The following RNF180 variants were observed in gnomAD, a reference collection of about 807,000 sequenced individuals.
RNF180 encodes the protein E3 ubiquitin-protein ligase RNF180.
A neutral mutation model predicts 59.2 loss-of-function variants in RNF180; 38 were observed. The observed-to-expected ratio is 0.64, with a 90% confidence interval of 0.50 to 0.84. The LOEUF (loss-of-function observed/expected upper bound fraction) is 0.84. Ranked by LOEUF, RNF180 falls within the 40% of genes least tolerant of loss-of-function variation. The pLI is 0.00. For missense variants in RNF180, 705 were observed against 700.9 expected, an observed-to-expected ratio of 1.01 and a Z score of -0.07; for synonymous variants, 262 against 240.3, an observed-to-expected ratio of 1.09 and a Z score of -0.84.
intron 5 of RNF180, 89 bp downstream of exon 5, chr5:64,217,485 A>C: frequency 1.5e-6 from 2 of 1,310,932 alleles, no homozygotes; most frequent in Non-Finnish European, 1.9e-6. Flanking sequence ...AAAGACTTCC[A>C]TTTTCTGTGC....
At chr5:64,234,670 G>T (rs1470245432) in intron 5 of RNF180, among the ~76,000 whole-genome samples, 2 of 126,168 alleles carry the variant, frequency 1.6e-5, no homozygotes, top group African/African-American at 3.0e-5. Flanking sequence ...CGCCATCTTG[G>T]CTCACTGCAA....
At chr5:64,202,536 T>C (rs1174302033) in intron 2 of RNF180, among the ~76,000 whole-genome samples, 2 of 152,206 alleles carry the variant, frequency 1.3e-5, no homozygotes, top group Non-Finnish European at 2.9e-5. Context: ...GGGGTAGGTA[T>C]AGTTTAATTT....
At chr5:64,211,979 G>T (rs1017830780) in intron 2 of RNF180, 86 bp from the exon 3 acceptor site, 3 of 726,306 alleles carry the variant, frequency 4.1e-6, no homozygotes, top group Non-Finnish European at 4.6e-6. Context: ...AATAGAATTT[G>T]TATTTTTGAG....
At chr5:64,310,670 CT>C (rs1561253212) in intron 5 of RNF180, among the ~76,000 whole-genome samples, 1 of 151,806 alleles carries the variant, frequency 6.6e-6, no homozygotes, top group African/African-American at 2.4e-5. Context: ...GCACATAGTT[CT>C]TTTGTAAATG....
At chr5:64,301,183 G>T (rs1158164801) in intron 5 of RNF180, among the ~76,000 whole-genome samples, 1 of 151,644 alleles carries the variant, frequency 6.6e-6, no homozygotes, top group African/African-American at 2.4e-5. Flanking sequence ...CCTTCCTACT[G>T]AACAACAGCA....
rs537147465 is a variant in RNF180, at chr5:64,230,725, A to G, written c.1227+13329A>G. On this transcript the variant is annotated intron_variant, in intron 5 of 7. Coordinates refer to ENST00000389100, the MANE Select transcript of RNF180 (RefSeq NM_001113561.2). ...GGAAATATTATTCTGCTTACCACAG[A>G]TAGTTTTGGTGGAATTCTTGAGTCA... Among the ~76,000 whole-genome samples, 14 of 152,278 alleles carry G rather than the reference A, an allele frequency of 9.2e-5. No individual in the cohort carries two copies. In the East Asian group the frequency reaches 2.3e-3, roughly 25 times the overall value.
chr5:64,297,548 A>C (rs1270863670), intron 5 of RNF180, among the ~76,000 whole-genome samples: 3 of 151,998 alleles, frequency 2.0e-5, no homozygotes, highest in Non-Finnish European at 4.4e-5. Flanking sequence ...GTTTTGTTGC[A>C]TACATAGACT....
intron 5 of RNF180, among the ~76,000 whole-genome samples, chr5:64,232,905 G>C (rs1742184880): frequency 6.6e-6 from 1 of 152,198 alleles, no homozygotes; most frequent in Non-Finnish European, 1.5e-5. Context: ...CACCAAACTA[G>C]TAAGTGATGA....
chr5:64,188,924 T>G, intron 1 of RNF180, among the ~76,000 whole-genome samples: 1 of 152,012 alleles, frequency 6.6e-6, no homozygotes, highest in East Asian at 1.9e-4. Flanking sequence ...GGACATGAGG[T>G]CATAAAGGGA....
chr5:64,336,384 G>T (rs546462974), intron 7 of RNF180, among the ~76,000 whole-genome samples: 3 of 149,596 alleles, frequency 2.0e-5, no homozygotes, highest in South Asian at 2.1e-4. Flanking sequence ...ACCATATTTT[G>T]TCTATCTATT....
intron 1 of RNF180, among the ~76,000 whole-genome samples, chr5:64,172,327 G>A (rs551394459): frequency 1.3e-5 from 2 of 152,152 alleles, no homozygotes; most frequent in South Asian, 4.2e-4. Flanking sequence ...AGGGGGCTGG[G>A]GGTTGTTGTA....
chr5:64,361,104 A>G (rs571439674), intron 7 of RNF180, among the ~76,000 whole-genome samples: 3 of 151,564 alleles, frequency 2.0e-5, no homozygotes, highest in Admixed American at 6.6e-5. Context: ...GATCCATGGA[A>G]AATTGTCACC....
intron 5 of RNF180, among the ~76,000 whole-genome samples, chr5:64,262,467 T>G (rs1051205608): frequency 2.6e-5 from 4 of 152,148 alleles, no homozygotes; most frequent in African/African-American, 9.7e-5. Flanking sequence ...CTAAGGAATT[T>G]TTAGAAATTG....
At chr5:64,255,471 T>C (rs1185496214) in intron 5 of RNF180, among the ~76,000 whole-genome samples, 1 of 152,176 alleles carries the variant, frequency 6.6e-6, no homozygotes, top group African/African-American at 2.4e-5. Flanking sequence ...GTCCTTGCGA[T>C]AGTTTGCTGA....
At chr5:64,338,079 A>G (rs1745205011) in intron 7 of RNF180, among the ~76,000 whole-genome samples, 2 of 152,204 alleles carry the variant, frequency 1.3e-5, no homozygotes, top group Admixed American at 1.3e-4. Context: ...AGGAATCGCC[A>G]CACTGACTTC....
chr5:64,242,243 A>G (rs1167256465), intron 5 of RNF180, among the ~76,000 whole-genome samples: 5 of 152,244 alleles, frequency 3.3e-5, no homozygotes, highest in Non-Finnish European at 5.9e-5. Flanking sequence ...TACATCTGCC[A>G]CAGAGCTTTC....
intron 7 of RNF180, among the ~76,000 whole-genome samples, chr5:64,337,707 C>A (rs1203096533): frequency 1.4e-5 from 2 of 138,476 alleles, no homozygotes; most frequent in African/African-American, 5.4e-5. Flanking sequence ...CTTTCTGTGT[C>A]CATGTGTTCT....
At chr5:64,229,464 G>A (rs915767845) in intron 5 of RNF180, among the ~76,000 whole-genome samples, 9 of 152,236 alleles carry the variant, frequency 5.9e-5, no homozygotes, top group South Asian at 2.1e-4. Context: ...ATTTTCAGTC[G>A]TTTGATAACC....
intron 5 of RNF180, among the ~76,000 whole-genome samples, chr5:64,277,403 G>A (rs1301700953): frequency 5.9e-5 from 9 of 152,102 alleles, no homozygotes; most frequent in African/African-American, 1.4e-4. Flanking sequence ...TGGTATGTTG[G>A]TAAGGGAAAA....
Sources: gnomAD v4.1 joint callset for allele counts (sites outside exome capture counted in the v4.1 genomes callset) on GRCh38, gnomAD v4.1.1 for gene constraint, MANE v1.5 for transcripts, NCBI Gene and HGNC (gene_info 2026-07-23, HGNC 2026-07-21) for gene names.